The following FGF12 variants were observed in gnomAD, a reference collection of about 807,000 sequenced individuals.
FGF12 encodes fibroblast growth factor 12.
In FGF12, 14 loss-of-function variants were observed where a neutral mutation model predicts 23.6. That is an observed-to-expected ratio of 0.59 (90% CI 0.39 to 0.93). The LOEUF is 0.93. Ranked by LOEUF, FGF12 falls within the 40% of genes least tolerant of loss-of-function variation. The pLI, the probability that FGF12 is intolerant of heterozygous loss-of-function variation, is 0.00. For missense variants in FGF12, 175 were observed against 217.8 expected (o/e 0.80, Z 1.24); for synonymous variants, 62 against 77.3 (o/e 0.80, Z 1.04).
At chr3:192,386,155 C>A (rs1720031970) in intron 2 of FGF12, among the ~76,000 whole-genome samples, 1 of 152,198 alleles carries the variant, frequency 6.6e-6, no homozygotes, top group African/African-American at 2.4e-5. Context: ...TGAACACAGT[C>A]TTCTCTTTCT....
At chr3:192,617,914 G>A (rs999884523) in intron 2 of FGF12, among the ~76,000 whole-genome samples, 5 of 152,048 alleles carry the variant, frequency 3.3e-5, no homozygotes, top group African/African-American at 9.7e-5. Context: ...GAAACGCTGG[G>A]AGTACTCCAG....
intron 4 of FGF12, among the ~76,000 whole-genome samples, chr3:192,301,453 A>T (rs1715344346): frequency 6.6e-6 from 1 of 152,234 alleles, no homozygotes; most frequent in Non-Finnish European, 1.5e-5. Context: ...ATGCTAGGTG[A>T]TAGATATCCA....
chr3:192,255,007 G>C (rs1056553069), intron 4 of FGF12, among the ~76,000 whole-genome samples: 2 of 152,144 alleles, frequency 1.3e-5, no homozygotes, highest in Middle Eastern at 6.8e-3. Context: ...TGAACTAGTA[G>C]GAAGAGTATT....
At chr3:192,718,161 CTTTTTTTTTTTTTT>C (rs71177369) in intron 2 of FGF12, among the ~76,000 whole-genome samples, 1 of 77,970 alleles carries the variant, frequency 1.3e-5, no homozygotes, top group Non-Finnish European at 2.5e-5. Flanking sequence ...GTTAGTCTTT[CTTTTTTTTTTTTTT>C]TTTTTTTTTT....
intron 2 of FGF12, among the ~76,000 whole-genome samples, chr3:192,396,301 T>C (rs1417913908): frequency 2.0e-5 from 3 of 152,224 alleles, no homozygotes; most frequent in Non-Finnish European, 2.9e-5. Flanking sequence ...TATTTCTATA[T>C]TCCATTCCCA....
chr3:192,630,621 C>T (rs1715352170), intron 2 of FGF12, among the ~76,000 whole-genome samples: 1 of 149,836 alleles, frequency 6.7e-6, no homozygotes, highest in Non-Finnish European at 1.5e-5. Context: ...GGCGCGATCT[C>T]GGCTCACTGC....
intron 4 of FGF12, among the ~76,000 whole-genome samples, chr3:192,232,090 C>CT (rs902424500): frequency 1.1e-3 from 166 of 151,576 alleles, no homozygotes; most frequent in South Asian, 3.8e-3. Context: ...TCAAATACAC[C>CT]TTTTTTTTTC....
intron 4 of FGF12, among the ~76,000 whole-genome samples, chr3:192,183,802 C>A (rs77560408): frequency 2.6e-5 from 4 of 152,142 alleles, no homozygotes; most frequent in African/African-American, 7.2e-5. Context: ...AAGACCATGG[C>A]GCTAAATAAC....
At chr3:192,247,960 T>C (rs1196974190) in intron 4 of FGF12, among the ~76,000 whole-genome samples, 1 of 152,214 alleles carries the variant, frequency 6.6e-6, no homozygotes, top group Non-Finnish European at 1.5e-5. Flanking sequence ...CACATACTGC[T>C]TAAGAAATTG....
intron 2 of FGF12, among the ~76,000 whole-genome samples, chr3:192,385,776 C>T (rs1720016198): frequency 6.6e-6 from 1 of 152,184 alleles, no homozygotes; most frequent in Non-Finnish European, 1.5e-5. Context: ...AAGACGAGCA[C>T]ACAGCTCCTG....
At chr3:192,324,403 C>T (rs562499225) in intron 4 of FGF12, among the ~76,000 whole-genome samples, 2 of 152,244 alleles carry the variant, frequency 1.3e-5, no homozygotes, top group Non-Finnish European at 1.5e-5. Flanking sequence ...TTTGAGGGTA[C>T]ACCAAGCATC....
chr3:192,530,996 G>A (rs1233716348), intron 2 of FGF12, among the ~76,000 whole-genome samples: 3 of 152,062 alleles, frequency 2.0e-5, no homozygotes, highest in African/African-American at 7.2e-5. Flanking sequence ...TGTATTTTTA[G>A]TAGAGATAGC....
intron 2 of FGF12, among the ~76,000 whole-genome samples, chr3:192,532,303 C>T (rs755767068): frequency 6.6e-6 from 1 of 151,846 alleles, no homozygotes; most frequent in Non-Finnish European, 1.5e-5. Context: ...GATGACCTTT[C>T]GATGGGGATT....
chr3:192,586,662 G>A (rs979187847), intron 2 of FGF12, among the ~76,000 whole-genome samples: 1 of 152,158 alleles, frequency 6.6e-6, no homozygotes, highest in African/African-American at 2.4e-5. Flanking sequence ...AGCCAGCAAG[G>A]AAGGCTCTAT....
chr3:192,367,789 C>G (rs906288369), intron 2 of FGF12, among the ~76,000 whole-genome samples: 1 of 152,156 alleles, frequency 6.6e-6, no homozygotes, highest in Non-Finnish European at 1.5e-5. Context: ...TCTAGCCTGG[C>G]AGAATCTGCT....
In FGF12 at chr3:192,464,307, G is replaced by A. The variant is rs78531104; in HGVS notation, c.14-103769C>T. Among the ~76,000 whole-genome samples, 203 of 151,284 alleles carry A rather than the reference G, an allele frequency of 1.3e-3. 4 individuals are homozygous for A. The East Asian group carries it at 0.037, about 27-fold the overall frequency. On this transcript the variant is annotated intron_variant, in intron 2 of 5. Transcript: ENST00000445105. ...ACCCCCCTCCCACCCTTCCCCTTGA[G>A]CCTCCAAAGTCCGCTGTCTCATTCT... is the stretch of plus-strand genomic sequence containing the variant.
At chr3:192,273,546 C>G (rs1488271712) in intron 4 of FGF12, among the ~76,000 whole-genome samples, 5 of 152,076 alleles carry the variant, frequency 3.3e-5, no homozygotes, top group Non-Finnish European at 7.4e-5. Flanking sequence ...AGTCACGCAG[C>G]ATCTCTTGGC....
intron 4 of FGF12, among the ~76,000 whole-genome samples, chr3:192,243,775 T>C (rs773945300): frequency 4.6e-5 from 7 of 152,080 alleles, no homozygotes; most frequent in Non-Finnish European, 1.0e-4. Flanking sequence ...GCAAAAATTT[T>C]TGTATTACTT....
chr3:192,424,605 T>C (rs1721637302), intron 2 of FGF12, among the ~76,000 whole-genome samples: 1 of 152,200 alleles, frequency 6.6e-6, no homozygotes, highest in African/African-American at 2.4e-5. Flanking sequence ...TTCATTAACC[T>C]GCAAGTTATC....
Sources: gnomAD v4.1 joint callset for allele counts (sites outside exome capture counted in the v4.1 genomes callset) on GRCh38, gnomAD v4.1.1 for gene constraint, MANE v1.5 for transcripts, NCBI Gene and HGNC (gene_info 2026-07-23, HGNC 2026-07-21) for gene names.